EIF4EBP1: variants seen among roughly 807,000 people sequenced by gnomAD.
EIF4EBP1 encodes the protein eukaryotic translation initiation factor 4E-binding protein 1.
In EIF4EBP1, 5 loss-of-function variants were observed where a neutral mutation model predicts 9.2. That is an observed-to-expected ratio of 0.54 (90% confidence interval 0.28 to 1.14). The LOEUF is 1.14. Ranked by LOEUF, EIF4EBP1 falls within the 50% of genes most tolerant of loss-of-function variation. EIF4EBP1 has a pLI of 0.09. For synonymous variants in EIF4EBP1, 62 were observed against 67.0 expected, an observed-to-expected ratio of 0.93 and a Z score of 0.36; for missense variants, 139 against 169.6, an observed-to-expected ratio of 0.82 and a Z score of 1.00.
intron 1 of EIF4EBP1, among the ~76,000 whole-genome samples, chr8:38,045,698 C>G (rs1010358937): frequency 6.6e-6 from 1 of 152,026 alleles, no homozygotes; most frequent in African/African-American, 2.4e-5. Context: ...GACCGAGACT[C>G]TATCTCAAAA....
At chr8:38,030,999 G>T (rs185158634) in intron 1 of EIF4EBP1, among the ~76,000 whole-genome samples, 14 of 152,300 alleles carry the variant, frequency 9.2e-5, no homozygotes, top group African/African-American at 3.4e-4. Flanking sequence ...ACAGCCACAT[G>T]CCGAGCTGTG....
chr8:38,039,103 G>T (rs915113011), intron 1 of EIF4EBP1, among the ~76,000 whole-genome samples: 1 of 151,858 alleles, frequency 6.6e-6, no homozygotes, highest in Non-Finnish European at 1.5e-5. Flanking sequence ...TATTGGTCAG[G>T]CTGGTCTCGA....
chr8:38,049,479 CTTTT>C (rs370855404), intron 1 of EIF4EBP1, among the ~76,000 whole-genome samples: 2 of 139,804 alleles, frequency 1.4e-5, no homozygotes, highest in African/African-American at 2.6e-5. Flanking sequence ...TTTCCGTCTT[CTTTT>C]TTTTTTTTTT....
chr8:38,054,781 C>A (rs561684723), intron 1 of EIF4EBP1, among the ~76,000 whole-genome samples: 1 of 152,170 alleles, frequency 6.6e-6, no homozygotes, highest in African/African-American at 2.4e-5. Context: ...GTCACCCCAG[C>A]CCTGCAAAGA....
intron 1 of EIF4EBP1, among the ~76,000 whole-genome samples, chr8:38,041,529 G>C (rs1809379430): frequency 1.3e-5 from 2 of 152,226 alleles, no homozygotes; most frequent in Non-Finnish European, 2.9e-5. Flanking sequence ...TAGAGGGAAC[G>C]TGCTGCCTGT....
intron 1 of EIF4EBP1, among the ~76,000 whole-genome samples, chr8:38,042,916 T>C (rs948152002): frequency 1.3e-4 from 20 of 151,954 alleles, no homozygotes; most frequent in African/African-American, 4.8e-4. Flanking sequence ...ATACAAAAAA[T>C]TACCCAGGCG....
At chr8:38,039,857 T>C (rs1809352879) in intron 1 of EIF4EBP1, among the ~76,000 whole-genome samples, 2 of 152,096 alleles carry the variant, frequency 1.3e-5, no homozygotes, top group South Asian at 4.1e-4. Flanking sequence ...CTTTTTTTCT[T>C]TTTTTTAAAA....
intron 1 of EIF4EBP1, 112 bp downstream of exon 1, chr8:38,030,830 G>C: frequency 7.5e-7 from 1 of 1,340,708 alleles, no homozygotes; most frequent in Non-Finnish European, 9.6e-7. Context: ...TGGAAAGAAC[G>C]GAAAAGGGGC....
At chr8:38,050,389 A>G (rs183360425) in intron 1 of EIF4EBP1, among the ~76,000 whole-genome samples, 2 of 152,072 alleles carry the variant, frequency 1.3e-5, no homozygotes, top group Admixed American at 6.6e-5. Context: ...CACTCTGTCA[A>G]TCAAACTGGA....
At chr8:38,038,003 G>A (rs530509614) in intron 1 of EIF4EBP1, among the ~76,000 whole-genome samples, 3 of 151,316 alleles carry the variant, frequency 2.0e-5, no homozygotes, top group Admixed American at 6.6e-5. Flanking sequence ...GGAACTCCTG[G>A]GCTCAAGAGA....
rs373047140 is a variant in EIF4EBP1, at chr8:38,056,283, C to T, written c.146-798C>T. Among the ~76,000 whole-genome samples the T allele has an allele frequency of 2.6e-5, 4 of 152,314 alleles. No individual in the cohort carries two copies. In the East Asian group the frequency reaches 7.7e-4, roughly 29 times the overall value. On this transcript the variant is annotated intron_variant, in intron 1 of 2. Transcript: ENST00000338825. Reference sequence around the variant, plus strand: ...CTGAGATTACAGGTGTGAGCTACCACACCTGGCAAAAGTTCTTATTTTTAC... The same window carrying T: ...CTGAGATTACAGGTGTGAGCTACCATACCTGGCAAAAGTTCTTATTTTTAC...
At chr8:38,042,862 A>C (rs1293717141) in intron 1 of EIF4EBP1, among the ~76,000 whole-genome samples, 1 of 152,134 alleles carries the variant, frequency 6.6e-6, no homozygotes, top group Non-Finnish European at 1.5e-5. Context: ...TCAGGAGTTC[A>C]AGACCAGCCT....
intron 1 of EIF4EBP1, among the ~76,000 whole-genome samples, chr8:38,037,459 G>A (rs917609793): frequency 1.3e-5 from 2 of 152,182 alleles, no homozygotes; most frequent in East Asian, 3.9e-4. Flanking sequence ...GGGATTACAG[G>A]CACGCACCAC....
At chr8:38,059,834 T>C (rs1809647696) in intron 2 of EIF4EBP1, 70 bp from the exon 3 acceptor site, 2 of 1,332,282 alleles carry the variant, frequency 1.5e-6, no homozygotes, top group Non-Finnish European at 2.1e-6. Flanking sequence ...TTTATAGCAA[T>C]GAAAGAATGG....
chr8:38,042,299 G>A (rs895220920), intron 1 of EIF4EBP1, among the ~76,000 whole-genome samples: 2 of 152,176 alleles, frequency 1.3e-5, no homozygotes, highest in African/African-American at 4.8e-5. Flanking sequence ...GTACAGTCGG[G>A]CTCAGTACTC....
chr8:38,041,869 C>T (rs1344827718), intron 1 of EIF4EBP1, among the ~76,000 whole-genome samples: 2 of 152,004 alleles, frequency 1.3e-5, no homozygotes, highest in Non-Finnish European at 2.9e-5. Flanking sequence ...GCATGCACCT[C>T]TAGTCCTAGT....
chr8:38,050,123 G>C (rs1168763219), intron 1 of EIF4EBP1, among the ~76,000 whole-genome samples: 1 of 151,936 alleles, frequency 6.6e-6, no homozygotes, highest in East Asian at 1.9e-4. Context: ...TGTTGGCCAG[G>C]CTGGTCTTGA....
intron 1 of EIF4EBP1, among the ~76,000 whole-genome samples, chr8:38,037,802 G>A (rs775922272): frequency 1.3e-5 from 2 of 151,872 alleles, no homozygotes; most frequent in Admixed American, 6.6e-5. Context: ...TTGAGACAAA[G>A]TCTTACTCTG....
intron 1 of EIF4EBP1, among the ~76,000 whole-genome samples, chr8:38,052,174 T>C (rs890722916): frequency 1.3e-5 from 2 of 152,110 alleles, no homozygotes; most frequent in Admixed American, 6.6e-5. Flanking sequence ...CACCCACTCG[T>C]GTTTCCATTT....
Sources: gnomAD v4.1 joint callset for allele counts (sites outside exome capture counted in the v4.1 genomes callset) on GRCh38, gnomAD v4.1.1 for gene constraint, MANE v1.5 for transcripts, NCBI Gene and HGNC (gene_info 2026-07-23, HGNC 2026-07-21) for gene names.